The following SCHIP1 variants were observed in gnomAD, a reference collection of about 807,000 sequenced individuals.
SCHIP1 encodes schwannomin-interacting protein 1.
Under a neutral mutation model 29.7 loss-of-function variants are expected in SCHIP1, and 8 were observed. The observed-to-expected ratio is 0.27, with a 90% CI of 0.16 to 0.49. SCHIP1 has a LOEUF of 0.49. Among genes scored for constraint, SCHIP1 ranks in the 20% least tolerant of loss-of-function variants. The pLI is 0.99. For synonymous variants in SCHIP1, 76 were observed against 94.9 expected, an observed-to-expected ratio of 0.80 and a Z score of 1.16; for missense variants, 193 against 294.6, an observed-to-expected ratio of 0.66 and a Z score of 2.52.
At chr3:159,664,727 T>C in the SCHIP1 span, among the ~76,000 whole-genome samples, 1 of 152,208 alleles carries the variant, frequency 6.6e-6, no homozygotes. Flanking sequence ...ATATAAGACA[T>C]TCTGGTTGGA....
chr3:159,609,492 G>A, the SCHIP1 span, among the ~76,000 whole-genome samples: 1 of 152,294 alleles, frequency 6.6e-6, no homozygotes, highest in East Asian at 1.9e-4. Context: ...TTTTAGCTGA[G>A]TGTGTGGCCG....
the SCHIP1 span, among the ~76,000 whole-genome samples, chr3:159,713,371 C>A: frequency 6.6e-6 from 1 of 152,110 alleles, no homozygotes; most frequent in Admixed American, 6.5e-5. Context: ...GACTTTGGTT[C>A]ACTTCAGTGC....
the SCHIP1 span, among the ~76,000 whole-genome samples, chr3:159,630,790 G>A: frequency 3.3e-5 from 5 of 152,088 alleles, no homozygotes; most frequent in Admixed American, 1.3e-4. Flanking sequence ...GGCGATGGGT[G>A]CACCAAAATC....
At chr3:159,676,138 A>T in the SCHIP1 span, among the ~76,000 whole-genome samples, 6 of 152,132 alleles carry the variant, frequency 3.9e-5, no homozygotes, top group African/African-American at 1.2e-4. Flanking sequence ...CTCAAAAAAA[A>T]ATTTTACATA....
chr3:159,873,308 T>C (rs1715465406), intron 2 of SCHIP1, among the ~76,000 whole-genome samples: 1 of 152,234 alleles, frequency 6.6e-6, no homozygotes, highest in Non-Finnish European at 1.5e-5. Flanking sequence ...GGCAAACTAA[T>C]GGAGTTCTGT....
At chr3:159,765,694 T>C in the SCHIP1 span, 1 of 152,334 alleles carries the variant, frequency 6.6e-6, no homozygotes, top group African/African-American at 2.4e-5. Flanking sequence ...ATGGGTTGAT[T>C]TTCCTCCTCT....
At chr3:159,642,089 G>A in the SCHIP1 span, among the ~76,000 whole-genome samples, 1 of 152,018 alleles carries the variant, frequency 6.6e-6, no homozygotes, top group Admixed American at 6.6e-5. Flanking sequence ...TTAAATTTAT[G>A]GGGAGACTGT....
chr3:159,717,145 A>G, the SCHIP1 span, among the ~76,000 whole-genome samples: 2 of 152,218 alleles, frequency 1.3e-5, no homozygotes, highest in Non-Finnish European at 1.5e-5. Flanking sequence ...GGTACATAAC[A>G]AAATGAAGGC....
At chr3:159,632,835 A>G in the SCHIP1 span, among the ~76,000 whole-genome samples, 1 of 152,140 alleles carries the variant, frequency 6.6e-6, no homozygotes, top group Non-Finnish European at 1.5e-5. Context: ...ATAGGTTTAA[A>G]CCACAAGGTG....
At chr3:159,401,085 C>A in the SCHIP1 span, 1 of 551,098 alleles carries the variant, frequency 1.8e-6, no homozygotes, top group Non-Finnish European at 2.3e-6. Context: ...GTGATAATAG[C>A]ACATCCTACA....
At chr3:159,656,702 C>T in the SCHIP1 span, among the ~76,000 whole-genome samples, 2 of 152,214 alleles carry the variant, frequency 1.3e-5, no homozygotes, top group East Asian at 3.9e-4. Context: ...CTTAGAAAGC[C>T]CCCGAACATA....
At chr3:159,619,360 C>T in the SCHIP1 span, among the ~76,000 whole-genome samples, 4 of 152,336 alleles carry the variant, frequency 2.6e-5, no homozygotes, top group East Asian at 3.9e-4. Flanking sequence ...CAGCTGCAGA[C>T]GTGCATGCCT....
At chr3:159,499,440 A>G in the SCHIP1 span, among the ~76,000 whole-genome samples, 1 of 152,190 alleles carries the variant, frequency 6.6e-6, no homozygotes, top group African/African-American at 2.4e-5. Context: ...TGTGATCCTT[A>G]TGAAGACATT....
chr3:159,430,298 A>C, the SCHIP1 span, among the ~76,000 whole-genome samples: 5 of 152,204 alleles, frequency 3.3e-5, no homozygotes, highest in South Asian at 2.1e-4. Flanking sequence ...AAGCCTAGGC[A>C]TGTGGAAAAT....
At chr3:159,494,599 G>C in the SCHIP1 span, among the ~76,000 whole-genome samples, 1 of 152,136 alleles carries the variant, frequency 6.6e-6, no homozygotes, top group Non-Finnish European at 1.5e-5. Flanking sequence ...CTCTGAAATT[G>C]AGGCAATAAT....
At chr3:159,381,250 G>GAACTT in the SCHIP1 span, among the ~76,000 whole-genome samples, 1 of 152,118 alleles carries the variant, frequency 6.6e-6, no homozygotes, top group African/African-American at 2.4e-5. Flanking sequence ...ATAAACTTTT[G>GAACTT]AACTTAAAGA....
the SCHIP1 span, among the ~76,000 whole-genome samples, chr3:159,429,059 G>A: frequency 6.9e-6 from 1 of 144,684 alleles, no homozygotes; most frequent in East Asian, 2.2e-4. Flanking sequence ...GGTTGGGGGA[G>A]GGGGGAGGGA....
chr3:159,618,559 G>A, the SCHIP1 span, among the ~76,000 whole-genome samples: 1 of 152,220 alleles, frequency 6.6e-6, no homozygotes, highest in Non-Finnish European at 1.5e-5. Flanking sequence ...CAACTATGAT[G>A]AAGAGACTAT....
At chr3:159,616,922 A>C in the SCHIP1 span, among the ~76,000 whole-genome samples, 4 of 152,208 alleles carry the variant, frequency 2.6e-5, no homozygotes, top group African/African-American at 4.8e-5. Flanking sequence ...AATAAAATTA[A>C]AAATTTAATT....
Sources: allele counts gnomAD v4.1 joint callset (sites outside exome capture counted in the v4.1 genomes callset), GRCh38; gene constraint gnomAD v4.1.1; transcripts MANE v1.5; gene names NCBI Gene and HGNC (gene_info 2026-07-23, HGNC 2026-07-21).